The following CACFD1 variants were observed in gnomAD, a reference collection of about 807,000 sequenced individuals.
CACFD1 encodes the protein calcium channel flower domain containing 1.
A neutral mutation model predicts 21.3 loss-of-function variants in CACFD1; 26 were observed. That is an observed-to-expected ratio of 1.22 (90% CI 0.89 to 1.69). CACFD1 has a LOEUF of 1.69. Ranked by LOEUF, CACFD1 falls within the 40% of genes most tolerant of loss-of-function variation. The pLI is 0.00. For synonymous variants in CACFD1, 121 were observed against 106.6 expected (o/e 1.13, Z -0.83); for missense variants, 265 against 236.2 (o/e 1.12, Z -0.80).
chr9:133,462,029 G>T (rs1554798633), intron 1 of CACFD1: 3 of 1,271,738 alleles, frequency 2.4e-6, no homozygotes, highest in African/African-American at 1.5e-5. Context: ...TCACGTGGAA[G>T]ATATCAGCAT....
At chr9:133,460,448 C>A (rs1017910276) in intron 1 of CACFD1, among the ~76,000 whole-genome samples, 1 of 71,896 alleles carries the variant, frequency 1.4e-5, no homozygotes, top group Non-Finnish European at 4.1e-5. Context: ...CCCGGAGGGA[C>A]CAGAAACCCC....
chr9:133,467,807 A>T, intron 3 of CACFD1, 114 bp from the exon 4 acceptor site: 1 of 707,522 alleles, frequency 1.4e-6, no homozygotes, highest in South Asian at 1.7e-5. Context: ...ATTTTTGGGG[A>T]TCCTTCCTGT....
intron 3 of CACFD1, among the ~76,000 whole-genome samples, chr9:133,467,280 G>T (rs782105944): frequency 6.6e-6 from 1 of 152,160 alleles, no homozygotes; most frequent in African/African-American, 2.4e-5. Context: ...AATCAGCCCC[G>T]GGGACGCTTA....
rs1843069084 is a variant in CACFD1 at position 133,460,102 on chromosome 9, C to A, written c.36C>A (p.Ala12=). ...CAGGTGGGGCGCCCGGGGCGTCCGC[C>A]AGCTCTGCGCCGCCCGCGCAGGAAG... ...SSSGGAPGAS[A]SSAPPAQEEG... is the part of the protein sequence containing the mutation. Residue 12 remains alanine (A), a synonymous_variant, in exon 1 of 5, where the codon GCC becomes GCA. Transcript: ENST00000316948. The A allele has an allele frequency of 6.4e-7, 1 of 1,563,626 alleles. No individual in the cohort carries two copies. Among genetic ancestry groups the A allele is most frequent in the Middle Eastern group, 1.7e-4 (1 of 5,738 alleles).
At chr9:133,462,625 C>T (rs957192679) in intron 1 of CACFD1, among the ~76,000 whole-genome samples, 1 of 152,242 alleles carries the variant, frequency 6.6e-6, no homozygotes, top group Non-Finnish European at 1.5e-5. Context: ...CAGCAGCCAC[C>T]TCCTTGGACC....
At chr9:133,464,090 C>T (rs1360497189) in intron 2 of CACFD1, among the ~76,000 whole-genome samples, 1 of 152,256 alleles carries the variant, frequency 6.6e-6, no homozygotes, top group Non-Finnish European at 1.5e-5. Flanking sequence ...TCCATGCCCA[C>T]CTCCTGCCAG....
In CACFD1 at chr9:133,470,607, G is replaced by A. The variant is rs587604258; in HGVS notation, c.*1954G>A. On this transcript the variant is annotated 3_prime_UTR_variant, in exon 5 of 5. Transcript: ENST00000316948. ...TCCCTGACCCTGTCGCCCAGGGGGC[G>A]TGCTGTCCAGCAGGGGCCCTGCCTT... 2.6e-5 allele frequency: 4 copies of A among 152,476 alleles called. No homozygotes were observed. The highest frequency in any genetic ancestry group is 4.1e-4 in the South Asian group (2 of 4,836). The allele number at this position is 152,476 out of a possible 1,614,324, so 9.4% of individuals were successfully genotyped here.
chr9:133,463,398 C>T (rs1843296577), intron 1 of CACFD1, 85 bp from the exon 2 acceptor site: 2 of 1,605,664 alleles, frequency 1.2e-6, no homozygotes, highest in East Asian at 2.2e-5. Flanking sequence ...AGACTCTCGT[C>T]CTTTCCAGTC....
In CACFD1 at chr9:133,465,752, C is replaced by T. The variant is rs939565288; in HGVS notation, c.320+305C>T. ...GAAGCGTCTGGAATTTTGGTCCGTCCACTGGGAGTTGTTAACCAGATGATA... is the reference window on the plus strand; with the variant it reads ...GAAGCGTCTGGAATTTTGGTCCGTCTACTGGGAGTTGTTAACCAGATGATA... On this transcript the variant is annotated intron_variant, in intron 3 of 4. Transcript: ENST00000316948. The surrounding 1 kb of genome is among the most constrained non-coding windows in gnomAD (Gnocchi z 5.0). 5 of 324,834 alleles carry T rather than the reference C, an allele frequency of 1.5e-5. No homozygotes were observed. The highest frequency in any genetic ancestry group is 2.8e-5 in the Non-Finnish European group (5 of 176,012). The allele number at this position is 324,834 out of a possible 1,614,324, so 20.1% of individuals were successfully genotyped here.
chr9:133,461,905 C>T (rs1843232862), intron 1 of CACFD1: 11 of 985,290 alleles, frequency 1.1e-5, no homozygotes, highest in Admixed American at 1.2e-4. Context: ...TAAGGTTTTC[C>T]TCCTCCAGGG....
chr9:133,461,725 G>A, intron 1 of CACFD1: 1 of 273,098 alleles, frequency 3.7e-6, no homozygotes. Context: ...GAAGCTTCAG[G>A]AGAAACTTGT....
chr9:133,463,322 A>C (rs895273279), intron 1 of CACFD1, 161 bp from the exon 2 acceptor site: 1 of 888,332 alleles, frequency 1.1e-6, no homozygotes, highest in South Asian at 5.2e-5. Context: ...GCGTCTCCTC[A>C]CCTGTCTCAG....
chr9:133,468,651 T>C lies in CACFD1; in HGVS notation c.517T>C (p.Ter173ArgextTer68). ...CGCGGAGACCCTGGAGGGGGAGCTG[T>C]GAAGGGCTGGGCGCCCCTCCCTCCC... The part of the protein sequence containing the change: ...KLAETLEGEL[*>R] Residue 173 changes from the stop codon to arginine, a stop_lost, in exon 5 of 5, where the codon TGA becomes CGA. Transcript: ENST00000316948. The C allele has an allele frequency of 6.4e-7, 1 of 1,571,852 alleles. No individual in the cohort carries two copies. Among genetic ancestry groups the C allele is most frequent in the Non-Finnish European group, 8.6e-7 (1 of 1,161,394 alleles).
At position 133,467,918 on chromosome 9, in the gene CACFD1, C is replaced by G. The variant is rs1554799839; in HGVS notation, c.321-3C>G. On this transcript the variant is annotated splice_polypyrimidine_tract_variant and splice_region_variant and intron_variant, in intron 3 of 4. Transcript: ENST00000316948. ...GCCCCCTTGACCTCTGCTTTCCCCC[C>G]AGGATGGCGGTCGTTCCCATCGTCA... 1 of 1,610,248 alleles carries G rather than the reference C, an allele frequency of 6.2e-7. No homozygotes were observed. Among genetic ancestry groups the G allele is most frequent in the South Asian group, 1.1e-5 (1 of 90,982 alleles).
chr9:133,467,776 T>C, intron 3 of CACFD1, 145 bp from the exon 4 acceptor site: 1 of 623,460 alleles, frequency 1.6e-6, no homozygotes. Context: ...TGAAGGACTT[T>C]CTGAAGCTGT....
chr9:133,463,449 C>T (rs781912506), intron 1 of CACFD1, 34 bp from the exon 2 acceptor site: 2 of 1,613,662 alleles, frequency 1.2e-6, no homozygotes, highest in Non-Finnish European at 1.7e-6. Flanking sequence ...CGCCTGCCTC[C>T]CTGCTGACTC....
At position 133,468,709 on chromosome 9, in the gene CACFD1, T is replaced by TGA. The variant is rs1554800242; in HGVS notation, c.*58_*59dup. On this transcript the variant is annotated 3_prime_UTR_variant, in exon 5 of 5. Coordinates refer to ENST00000316948, the MANE Select transcript of CACFD1 (RefSeq NM_017586.5). ...TCTTCTGGCTCTGTGTGGGTCCAAG[T>TGA]GAGGCCTGGACTGTCCACGCTGAGG... The TGA allele has an allele frequency of 6.6e-7, 1 of 1,522,208 alleles. No homozygotes were observed. The highest frequency in any genetic ancestry group is 1.4e-5 in the African/African-American group (1 of 73,222). 94.3% of individuals were successfully genotyped at this position (1,522,208 alleles called of 1,614,324 possible). A position where few individuals can be genotyped will look rare whatever the true frequency, so the allele number is the denominator to read the frequency against.
At position 133,468,945 on chromosome 9, in the gene CACFD1, GCCTGTGACCTGCTGTGA is replaced by G; in HGVS notation, c.*297_*313del. ...CAGATCTCACACCACAGACAGGGCT[GCCTGTGACCTGCTGTGA>G]CCTGGGAGCAGCTTCCCCTGGAGAT... On this transcript the variant is annotated 3_prime_UTR_variant, in exon 5 of 5. Transcript: ENST00000316948. The G allele has an allele frequency of 2.2e-6, 1 of 445,528 alleles. No individual in the cohort carries two copies. The highest frequency in any genetic ancestry group is 3.5e-5 in the East Asian group (1 of 28,632). The allele number at this position is 445,528 out of a possible 1,614,324, so 27.6% of individuals were successfully genotyped here.
At position 133,470,142 on chromosome 9, in the gene CACFD1, G is replaced by A. The variant is rs1044289357; in HGVS notation, c.*1489G>A. ...TAGCCTGGTGGACATGTGCCTTCAG[G>A]GTTCCTCCGGGGCCACCTTCCTCAG... On this transcript the variant is annotated 3_prime_UTR_variant, in exon 5 of 5. Transcript: ENST00000316948. The A allele has an allele frequency of 6.5e-6, 1 of 153,100 alleles. No individual in the cohort carries two copies. Among genetic ancestry groups the A allele is most frequent in the East Asian group, 1.9e-4 (1 of 5,210 alleles). The allele number at this position is 153,100 out of a possible 1,614,324, so 9.5% of individuals were successfully genotyped here. A position where few individuals can be genotyped will look rare whatever the true frequency, so the allele number is the denominator to read the frequency against.
Sources: gnomAD v4.1 joint callset for allele counts (sites outside exome capture counted in the v4.1 genomes callset) on GRCh38, gnomAD v4.1.1 for gene constraint, Gnocchi (gnomAD v3.1) non-coding constraint, MANE v1.5 for transcripts, NCBI Gene and HGNC (gene_info 2026-07-23, HGNC 2026-07-21) for gene names.